The following BICD1 variants were observed in gnomAD, a reference collection of about 807,000 sequenced individuals.
BICD1 encodes the protein protein bicaudal D homolog 1.
Under a neutral mutation model 92.5 loss-of-function variants are expected in BICD1, and 35 were observed. The observed-to-expected ratio is 0.38, with a 90% CI of 0.29 to 0.50. The LOEUF (loss-of-function observed/expected upper bound fraction) is 0.50, where lower values mean the gene tolerates loss of function less well. Ranked by LOEUF, BICD1 falls within the 20% of genes least tolerant of loss-of-function variation. The probability of loss-of-function intolerance (pLI) is 0.93; values close to 1 mark genes in which losing one functional copy is unlikely to be tolerated. For synonymous variants in BICD1, 429 were observed against 465.1 expected, an observed-to-expected ratio of 0.92 and a Z score of 1.00; for missense variants, 950 against 1,189.8, an observed-to-expected ratio of 0.80 and a Z score of 2.97.
At chr12:32,111,582 TTC>T (rs1196461220) in intron 1 of BICD1, among the ~76,000 whole-genome samples, 2 of 152,176 alleles carry the variant, frequency 1.3e-5, no homozygotes, top group African/African-American at 2.4e-5. Context: ...GATTTTTAAC[TTC>T]TCTCATTGTT....
chr12:32,283,093 C>T (rs1183245196), intron 2 of BICD1, among the ~76,000 whole-genome samples: 1 of 151,890 alleles, frequency 6.6e-6, no homozygotes, highest in East Asian at 1.9e-4. Flanking sequence ...TTTTTTTCCC[C>T]CTTAAGGAAA....
intron 2 of BICD1, among the ~76,000 whole-genome samples, chr12:32,238,577 C>G (rs1174714191): frequency 6.6e-6 from 1 of 152,208 alleles, no homozygotes; most frequent in Non-Finnish European, 1.5e-5. Context: ...TGCGATCAAA[C>G]AGCATTGCAT....
At chr12:32,192,554 A>G (rs146056014) in intron 1 of BICD1, among the ~76,000 whole-genome samples, 77 of 151,474 alleles carry the variant, frequency 5.1e-4, no homozygotes, top group African/African-American at 1.8e-3. Context: ...ACCAACCACA[A>G]CATTCCGTTA....
intron 1 of BICD1, among the ~76,000 whole-genome samples, chr12:32,119,589 G>A (rs939770224): frequency 8.5e-5 from 13 of 152,082 alleles, no homozygotes; most frequent in African/African-American, 3.1e-4. Context: ...AGAAAATCTA[G>A]TTCCGGGTGC....
At chr12:32,273,302 A>C (rs1234230484) in intron 2 of BICD1, among the ~76,000 whole-genome samples, 1 of 152,214 alleles carries the variant, frequency 6.6e-6, no homozygotes, top group African/African-American at 2.4e-5. Context: ...GTAGTGACAC[A>C]GAGTCAGATC....
chr12:32,335,694 C>T (rs1938085836), intron 6 of BICD1, among the ~76,000 whole-genome samples: 2 of 151,084 alleles, frequency 1.3e-5, no homozygotes, highest in African/African-American at 4.9e-5. Context: ...AATCCTCCCA[C>T]GTCACCTCAG....
At chr12:32,352,732 A>AG (rs1938945186) in intron 8 of BICD1, 1 of 152,030 alleles carries the variant, frequency 6.6e-6, no homozygotes, top group African/African-American at 2.4e-5. Flanking sequence ...AATAGAAGCC[A>AG]GGGATGTGAT....
At chr12:32,368,784 T>G (rs980798753) in intron 9 of BICD1, among the ~76,000 whole-genome samples, 5 of 152,038 alleles carry the variant, frequency 3.3e-5, no homozygotes, top group African/African-American at 4.8e-5. Flanking sequence ...GTGCAGTGGC[T>G]CATGCTGGTA....
At chr12:32,306,947 G>T (rs1463438203) in intron 4 of BICD1, among the ~76,000 whole-genome samples, 3 of 151,916 alleles carry the variant, frequency 2.0e-5, no homozygotes, top group Admixed American at 1.3e-4. Flanking sequence ...AACCCGGGAG[G>T]TGGAGATTGC....
chr12:32,348,318 T>A (rs1199628595), intron 8 of BICD1, among the ~76,000 whole-genome samples: 1 of 152,186 alleles, frequency 6.6e-6, no homozygotes, highest in Non-Finnish European at 1.5e-5. Context: ...TACTTTTCAA[T>A]CCATATTGAC....
chr12:32,213,079 G>T (rs1945262150), intron 1 of BICD1, among the ~76,000 whole-genome samples: 1 of 152,138 alleles, frequency 6.6e-6, no homozygotes, highest in African/African-American at 2.4e-5. Flanking sequence ...TGATACAATA[G>T]CATCACTAAC....
intron 2 of BICD1, among the ~76,000 whole-genome samples, chr12:32,283,626 A>G (rs756215103): frequency 4.6e-5 from 7 of 152,228 alleles, no homozygotes; most frequent in Non-Finnish European, 1.0e-4. Context: ...TTGGGGATCA[A>G]AGGATAGGAA....
chr12:32,192,530 GGATAGAA>G (rs1944606146), intron 1 of BICD1, among the ~76,000 whole-genome samples: 1 of 149,446 alleles, frequency 6.7e-6, no homozygotes, highest in Non-Finnish European at 1.5e-5. Flanking sequence ...TGAGTCTTCT[GGATAGAA>G]GATCAAACCA....
At chr12:32,277,435 A>G (rs1408557645) in intron 2 of BICD1, among the ~76,000 whole-genome samples, 1 of 152,184 alleles carries the variant, frequency 6.6e-6, no homozygotes, top group Non-Finnish European at 1.5e-5. Flanking sequence ...CTCTGAAGCT[A>G]TTATTTTTTA....
chr12:32,178,023 T>G (rs973157466), intron 1 of BICD1, among the ~76,000 whole-genome samples: 1 of 151,512 alleles, frequency 6.6e-6, no homozygotes, highest in Non-Finnish European at 1.5e-5. Flanking sequence ...TGGGCATTTT[T>G]GTTTACTTTT....
intron 8 of BICD1, chr12:32,352,245 GT>G: frequency 6.8e-6 from 1 of 147,720 alleles, no homozygotes; most frequent in Non-Finnish European, 1.5e-5. Flanking sequence ...AAAAATTGGT[GT>G]TTTTGGCCGG....
rs1198874082 is a variant in BICD1, at chr12:32,182,278, C to CTTTCTTTTTTT, written c.214-33966_214-33965insCTTTTTTTTTT. Among the ~76,000 whole-genome samples, 13 of 81,428 alleles carry CTTTCTTTTTTT rather than the reference C, an allele frequency of 1.6e-4. No individual in the cohort carries two copies. In the South Asian group the frequency reaches 5.6e-3, roughly 35 times the overall value. 53.4% of individuals were successfully genotyped at this position (81,428 alleles called of 152,430 possible). A position where few individuals can be genotyped will look rare whatever the true frequency, so the allele number is the denominator to read the frequency against. On this transcript the variant is annotated intron_variant, in intron 1 of 9. Coordinates refer to ENST00000652176, the MANE Select transcript of BICD1 (RefSeq NM_001714.4). Reference sequence around the variant, plus strand: ...TTCTTTTTTCTTTCTTTCTTTCTTTCTTTTTTTTTTTTTTTTTTTTTTGAG... The same window carrying CTTTCTTTTTTT: ...TTCTTTTTTCTTTCTTTCTTTCTTTCTTTCTTTTTTTTTTTTTTTTTTTTTTTTTTTTTGAG...
intron 1 of BICD1, among the ~76,000 whole-genome samples, chr12:32,111,807 C>G (rs1043972769): frequency 1.3e-5 from 2 of 151,750 alleles, no homozygotes; most frequent in African/African-American, 4.8e-5. Flanking sequence ...TGGGCTTTCA[C>G]CTTGTTAGCC....
intron 1 of BICD1, among the ~76,000 whole-genome samples, chr12:32,184,116 T>C (rs1475842967): frequency 1.3e-5 from 2 of 152,124 alleles, no homozygotes; most frequent in African/African-American, 4.8e-5. Flanking sequence ...TGAAGAAGGC[T>C]GAGAATTTAG....
Sources: allele counts gnomAD v4.1 joint callset (sites outside exome capture counted in the v4.1 genomes callset), GRCh38; gene constraint gnomAD v4.1.1; transcripts MANE v1.5; gene names NCBI Gene and HGNC (gene_info 2026-07-23, HGNC 2026-07-21).